Variants in ANXA4 observed in about 807,000 individuals in gnomAD.
ANXA4 encodes the protein 35-beta calcimedin.
In ANXA4, 39 loss-of-function variants were observed where a neutral mutation model predicts 49.8. That is an observed-to-expected ratio of 0.78 (90% confidence interval 0.61 to 1.02). The LOEUF is 1.02. Among genes scored for constraint, ANXA4 ranks in the 50% least tolerant of loss-of-function variants. The pLI is 0.00. For synonymous variants in ANXA4, 134 were observed against 152.5 expected (o/e 0.88, Z 0.89); for missense variants, 360 against 410.1 (o/e 0.88, Z 1.05).
intron 6 of ANXA4, 176 bp from the exon 7 acceptor site, chr2:69,810,418 T>C: frequency 1.7e-6 from 1 of 602,944 alleles, no homozygotes. Context: ...GATAAGCTGA[T>C]CTTGACCATT....
intron 3 of ANXA4, among the ~76,000 whole-genome samples, chr2:69,724,362 C>A (rs528912339): frequency 3.7e-4 from 56 of 152,136 alleles, no homozygotes; most frequent in Non-Finnish European, 7.2e-4. Context: ...CAGGGAGGGC[C>A]GCTGAAAAAC....
chr2:69,690,009 C>G (rs1157899296), intron 2 of ANXA4, among the ~76,000 whole-genome samples: 1 of 151,894 alleles, frequency 6.6e-6, no homozygotes, highest in East Asian at 1.9e-4. Context: ...TTTTTTCTAC[C>G]TTGTTTTGTT....
chr2:69,771,173 G>A (rs1417983567), intron 1 of ANXA4, among the ~76,000 whole-genome samples: 1 of 149,892 alleles, frequency 6.7e-6, no homozygotes, highest in Non-Finnish European at 1.5e-5. Flanking sequence ...TCCAATATTT[G>A]TAGACAGGTT....
rs180984236 is a variant in ANXA4, at chr2:69,730,751, C to G, written n.864+9880C>G. Among the ~76,000 whole-genome samples the G allele has an allele frequency of 2.6e-5, 4 of 152,316 alleles. No individual in the cohort carries two copies. The East Asian group carries it at 5.8e-4, about 22-fold the overall frequency. On this transcript the variant is annotated intron_variant and non_coding_transcript_variant, in intron 3 of 3. Coordinates refer to the ANXA4 transcript ENST00000418066. ...TCTGTTTGGGTGTGTTTTCTCCTTA[C>G]TGGTTGAATCTATGGAAGATTGGTA...
At chr2:69,716,592 G>A (rs537758072) in intron 2 of ANXA4, among the ~76,000 whole-genome samples, 1 of 152,262 alleles carries the variant, frequency 6.6e-6, no homozygotes, top group South Asian at 2.1e-4. Flanking sequence ...AGGGTTTCAA[G>A]CAGTGGTGTG....
At chr2:69,708,180 C>G (rs1157454776) in intron 2 of ANXA4, among the ~76,000 whole-genome samples, 1 of 152,208 alleles carries the variant, frequency 6.6e-6, no homozygotes, top group Non-Finnish European at 1.5e-5. Flanking sequence ...TATCTGGACT[C>G]TAGGTCTGAG....
At chr2:69,814,028 G>A (rs768885270) in intron 8 of ANXA4, among the ~76,000 whole-genome samples, 1 of 151,998 alleles carries the variant, frequency 6.6e-6, no homozygotes, top group Non-Finnish European at 1.5e-5. Flanking sequence ...AAAGTGCCGG[G>A]ATTACAGGCA....
rs151148444 is a variant in ANXA4, at chr2:69,767,142, T to C, written c.-46-14378T>C. ...CTGCCATCCAGGGCTGGAAAAAACA[T>C]GTTGCAGCTGTGCCAACTCCATCTG... On this transcript the variant is annotated intron_variant, in intron 1 of 12. Coordinates refer to ENST00000394295, the MANE Select transcript of ANXA4 (RefSeq NM_001153.5). 1.7e-3 allele frequency among the ~76,000 whole-genome samples: 254 copies of C among 152,336 alleles called. No homozygotes were observed. The East Asian group carries it at 0.043, about 26-fold the overall frequency.
At chr2:69,664,945 A>G (rs970872160) in intron 2 of ANXA4, among the ~76,000 whole-genome samples, 1 of 152,156 alleles carries the variant, frequency 6.6e-6, no homozygotes, top group Non-Finnish European at 1.5e-5. Flanking sequence ...TCTACTAAAA[A>G]TACAAAAATT....
intron 2 of ANXA4, among the ~76,000 whole-genome samples, chr2:69,668,117 G>C (rs960739015): frequency 6.6e-6 from 1 of 152,172 alleles, no homozygotes; most frequent in Non-Finnish European, 1.5e-5. Context: ...GTGGAGCCGG[G>C]TAGCCTTTAA....
At chr2:69,711,018 C>T (rs552235966) in intron 2 of ANXA4, among the ~76,000 whole-genome samples, 1 of 152,242 alleles carries the variant, frequency 6.6e-6, no homozygotes, top group African/African-American at 2.4e-5. Flanking sequence ...TATGAATATT[C>T]AGAGCACTTA....
intron 2 of ANXA4, among the ~76,000 whole-genome samples, chr2:69,671,738 A>G (rs1677199036): frequency 1.3e-5 from 2 of 152,176 alleles, no homozygotes; most frequent in Admixed American, 6.6e-5. Context: ...ATATATATAT[A>G]TACACACATA....
Position 69,806,508 on chromosome 2 carries a change from C to G in ANXA4, c.306+10C>G. ...GCGAAGGGCCATGAAGGTCTGTGCT[C>G]TTCCTCTCGTGCTCTTGGTGCTGTT... On this transcript the variant is annotated intron_variant, in intron 5 of 12. Transcript: ENST00000394295. 6.2e-7 allele frequency: 1 copy of G among 1,606,994 alleles called. No individual in the cohort carries two copies. The highest frequency in any genetic ancestry group is 1.1e-5 in the South Asian group (1 of 90,932).
intron 3 of ANXA4, among the ~76,000 whole-genome samples, chr2:69,789,304 A>T (rs1384904552): frequency 6.6e-6 from 1 of 152,186 alleles, no homozygotes; most frequent in Non-Finnish European, 1.5e-5. Context: ...AAACTGAGCC[A>T]TGGCTCACAC....
At chr2:69,667,059 A>G (rs1327943076) in intron 2 of ANXA4, among the ~76,000 whole-genome samples, 1 of 151,962 alleles carries the variant, frequency 6.6e-6, no homozygotes, top group East Asian at 1.9e-4. Context: ...ATAAAATAAA[A>G]TAATAAAATA....
chr2:69,767,655 A>G (rs1449434240), intron 1 of ANXA4, among the ~76,000 whole-genome samples: 1 of 152,178 alleles, frequency 6.6e-6, no homozygotes, highest in African/African-American at 2.4e-5. Context: ...TGAAATGGCC[A>G]CCAGCCTTGT....
intron 2 of ANXA4, among the ~76,000 whole-genome samples, chr2:69,669,594 G>C (rs1677083044): frequency 6.6e-6 from 1 of 151,184 alleles, no homozygotes; most frequent in Non-Finnish European, 1.5e-5. Flanking sequence ...CTGGGCGACA[G>C]AGTGAGACTC....
intron 7 of ANXA4, 96 bp from the exon 8 acceptor site, chr2:69,812,557 T>G (rs770831556): frequency 3.0e-6 from 3 of 1,012,640 alleles, no homozygotes; most frequent in Non-Finnish European, 4.4e-6. Flanking sequence ...TCTTGTGGTA[T>G]TTTGTCTCAT....
At chr2:69,805,375 G>A (rs894394283) in intron 4 of ANXA4, among the ~76,000 whole-genome samples, 3 of 152,126 alleles carry the variant, frequency 2.0e-5, no homozygotes, top group African/African-American at 4.8e-5. Flanking sequence ...AGGCCGAGGC[G>A]AGTGGATCAC....
Sources: allele counts gnomAD v4.1 joint callset (sites outside exome capture counted in the v4.1 genomes callset), GRCh38; gene constraint gnomAD v4.1.1; transcripts MANE v1.5; gene names NCBI Gene and HGNC (gene_info 2026-07-23, HGNC 2026-07-21).